Variants in INPP4B observed in about 807,000 individuals in gnomAD.
INPP4B encodes the protein inositol polyphosphate 4-phosphatase type II.
A neutral mutation model predicts 122.5 loss-of-function variants in INPP4B; 55 were observed. The ratio of observed to expected loss-of-function variants is 0.45; its 90% CI spans 0.36 to 0.56. The LOEUF (loss-of-function observed/expected upper bound fraction) is 0.56. Among genes scored for constraint, INPP4B ranks in the 20% least tolerant of loss-of-function variants. INPP4B has a pLI of 0.00. For missense variants in INPP4B, 1,000 were observed against 1,097.7 expected (o/e 0.91, Z 1.26); for synonymous variants, 403 against 388.7 (o/e 1.04, Z -0.43).
intron 23 of INPP4B, among the ~76,000 whole-genome samples, chr4:142,106,536 C>T (rs1222075207): frequency 2.0e-5 from 3 of 152,162 alleles, no homozygotes; most frequent in Non-Finnish European, 4.4e-5. Flanking sequence ...GTTTAAGTTA[C>T]TTGAATATAG....
At chr4:142,157,184 T>C (rs1817681791) in intron 17 of INPP4B, among the ~76,000 whole-genome samples, 3 of 152,158 alleles carry the variant, frequency 2.0e-5, no homozygotes. Context: ...TCTAAAGGCA[T>C]CTTCAATTAG....
chr4:142,653,963 A>T (rs540930957), intron 2 of INPP4B, among the ~76,000 whole-genome samples: 3 of 152,318 alleles, frequency 2.0e-5, no homozygotes, highest in East Asian at 3.9e-4. Flanking sequence ...AAGACTTGGA[A>T]CCAACCCAAA....
At chr4:142,443,429 T>G (rs975761763) in intron 3 of INPP4B, among the ~76,000 whole-genome samples, 3 of 152,078 alleles carry the variant, frequency 2.0e-5, no homozygotes, top group Non-Finnish European at 2.9e-5. Context: ...CTGCTGACCT[T>G]AGGTGAAGAC....
chr4:142,169,598 A>C (rs771877272), intron 16 of INPP4B, among the ~76,000 whole-genome samples: 5 of 151,676 alleles, frequency 3.3e-5, no homozygotes, highest in Non-Finnish European at 7.4e-5. Context: ...TTTTCTTTGA[A>C]TATAAGAGAA....
intron 2 of INPP4B, among the ~76,000 whole-genome samples, chr4:142,483,816 T>C (rs1010492593): frequency 6.6e-6 from 1 of 152,110 alleles, no homozygotes; most frequent in South Asian, 2.1e-4. Context: ...GAAAATGTGA[T>C]AATGGAAAGA....
At chr4:142,499,366 TTAGCATA>T (rs1823060365) in intron 2 of INPP4B, among the ~76,000 whole-genome samples, 1 of 152,102 alleles carries the variant, frequency 6.6e-6, no homozygotes, top group Admixed American at 6.6e-5. Flanking sequence ...GGAGTTATTG[TTAGCATA>T]TCCCATTTGA....
chr4:142,142,137 C>T (rs1231669741), intron 18 of INPP4B, among the ~76,000 whole-genome samples: 1 of 151,912 alleles, frequency 6.6e-6, no homozygotes, highest in Non-Finnish European at 1.5e-5. Context: ...AAATTGCTTG[C>T]CTAATCAATT....
intron 7 of INPP4B, among the ~76,000 whole-genome samples, chr4:142,382,417 G>A (rs1223312603): frequency 6.6e-6 from 1 of 151,552 alleles, no homozygotes; most frequent in Non-Finnish European, 1.5e-5. Flanking sequence ...GCTGAGGCAG[G>A]AGAATCACTT....
intron 2 of INPP4B, among the ~76,000 whole-genome samples, chr4:142,579,871 ATAGG>A (rs1553962762): frequency 3.2e-5 from 3 of 94,280 alleles, no homozygotes; most frequent in African/African-American, 7.9e-5. Flanking sequence ...AGATAGATAG[ATAGG>A]TAGGTAGATA....
intron 1 of INPP4B, among the ~76,000 whole-genome samples, chr4:142,786,164 G>T (rs1469291783): frequency 6.6e-6 from 1 of 152,016 alleles, no homozygotes; most frequent in Non-Finnish European, 1.5e-5. Context: ...AAAGGAACCT[G>T]GGCTCTTTGG....
At position 142,673,594 on chromosome 4, in the gene INPP4B, G is replaced by T. The variant is rs1757300475; in HGVS notation, c.-191+52245C>A. 2.0e-5 allele frequency among the ~76,000 whole-genome samples: 3 copies of T among 152,178 alleles called. No individual in the cohort carries two copies. In the South Asian group the frequency reaches 6.2e-4, roughly 31 times the overall value. Reference sequence around the variant, plus strand: ...AGTAGTGTACCTTGGCCTGAGAAGGGCATAGGAATCAAGGGCTCAGACCTG... The same window carrying T: ...AGTAGTGTACCTTGGCCTGAGAAGGTCATAGGAATCAAGGGCTCAGACCTG... On this transcript the variant is annotated intron_variant, in intron 2 of 25. Transcript: ENST00000262992.
chr4:142,337,861 C>G (rs542249026), intron 7 of INPP4B, among the ~76,000 whole-genome samples: 2 of 150,298 alleles, frequency 1.3e-5, no homozygotes, highest in Non-Finnish European at 3.0e-5. Flanking sequence ...CAACTTGTCT[C>G]TTTTTATGGT....
At chr4:142,719,071 G>A (rs1197900345) in intron 2 of INPP4B, among the ~76,000 whole-genome samples, 1 of 152,056 alleles carries the variant, frequency 6.6e-6, no homozygotes, top group African/African-American at 2.4e-5. Flanking sequence ...ATCTTGAATG[G>A]ATTTAAAGCA....
intron 3 of INPP4B, among the ~76,000 whole-genome samples, chr4:142,452,053 A>G (rs1476248340): frequency 6.6e-6 from 1 of 152,050 alleles, no homozygotes; most frequent in Non-Finnish European, 1.5e-5. Flanking sequence ...TGATTCCCCT[A>G]GCCCCCCACC....
chr4:142,027,198 A>G lies in INPP4B; in HGVS notation c.*1584T>C, dbSNP rs1188675095. 2.0e-5 allele frequency: 3 copies of G among 152,204 alleles called. No homozygotes were observed. Among genetic ancestry groups the G allele is most frequent in the African/African-American group, 7.2e-5 (3 of 41,468 alleles). The allele number at this position is 152,204 out of a possible 1,614,324, so 9.4% of individuals were successfully genotyped here. On this transcript the variant is annotated 3_prime_UTR_variant, in exon 26 of 26. Transcript: ENST00000262992. ...GTATAATGCCCACAGGTAATTAGCT[A>G]AAATAAAAAATTGATAATTCTAGTA...
chr4:142,724,712 C>G (rs140800891), intron 2 of INPP4B, among the ~76,000 whole-genome samples: 113 of 152,162 alleles, frequency 7.4e-4, no homozygotes, highest in African/African-American at 2.6e-3. Context: ...GGGTTTATAC[C>G]TGTTTTGAAG....
At chr4:142,595,508 T>C (rs575330444) in intron 2 of INPP4B, among the ~76,000 whole-genome samples, 2 of 152,242 alleles carry the variant, frequency 1.3e-5, no homozygotes, top group Non-Finnish European at 2.9e-5. Flanking sequence ...TACAAATGTA[T>C]ACAGTTGAAC....
rs1355579031 is a variant in INPP4B at position 142,564,516 on chromosome 4, G to A, written c.-190-101790C>T. 4.0e-5 allele frequency among the ~76,000 whole-genome samples: 6 copies of A among 148,396 alleles called. No homozygotes were observed. The South Asian group carries it at 1.1e-3, about 27-fold the overall frequency. On this transcript the variant is annotated intron_variant, in intron 2 of 25. Coordinates refer to ENST00000262992, the MANE Select transcript of INPP4B (RefSeq NM_001101669.3). ...AGCAGTTAATAAGAACCAGACCATGGAAGACTGGAGGCTCCCATAAATATC... is the reference window on the plus strand; with the variant it reads ...AGCAGTTAATAAGAACCAGACCATGAAAGACTGGAGGCTCCCATAAATATC...
chr4:142,132,647 G>A (rs779542826), intron 18 of INPP4B, among the ~76,000 whole-genome samples: 7 of 151,962 alleles, frequency 4.6e-5, no homozygotes, highest in Non-Finnish European at 1.0e-4. Context: ...CTCCTCTGTT[G>A]GTACACCAGA....
Sources: allele counts gnomAD v4.1 joint callset (sites outside exome capture counted in the v4.1 genomes callset), GRCh38; gene constraint gnomAD v4.1.1; transcripts MANE v1.5; gene names NCBI Gene and HGNC (gene_info 2026-07-23, HGNC 2026-07-21).